The following HMGCLL1 variants were observed in gnomAD, a reference collection of about 807,000 sequenced individuals.
HMGCLL1 encodes 3-hydroxy-3-methylglutaryl-CoA lyase like 1.
HMGCLL1 carries 36 observed loss-of-function variants against 39.1 expected under a neutral mutation model. The observed-to-expected ratio is 0.92, with a 90% confidence interval of 0.71 to 1.22. The LOEUF is 1.22. Ranked by LOEUF, HMGCLL1 falls within the 50% of genes most tolerant of loss-of-function variation. The probability of loss-of-function intolerance (pLI) is 0.00; values close to 1 mark genes in which losing one functional copy is unlikely to be tolerated. For synonymous variants in HMGCLL1, 149 were observed against 144.0 expected (o/e 1.03, Z -0.25); for missense variants, 451 against 416.5 (o/e 1.08, Z -0.72).
chr6:55,545,547 A>G (rs9382505), intron 1 of HMGCLL1, among the ~76,000 whole-genome samples: 11,322 of 152,170 alleles, frequency 0.074, 510 homozygotes, highest in East Asian at 0.19. Context: ...ATTATTGAGT[A>G]CAGTCCATAT....
the HMGCLL1 span, among the ~76,000 whole-genome samples, chr6:55,625,903 C>G: frequency 1.3e-5 from 2 of 152,124 alleles, no homozygotes; most frequent in African/African-American, 4.8e-5. Context: ...GATAGGATGA[C>G]CCGTTCTGTG....
the HMGCLL1 span, among the ~76,000 whole-genome samples, chr6:55,636,051 T>C: frequency 1.3e-5 from 2 of 152,030 alleles, no homozygotes; most frequent in African/African-American, 2.4e-5. Context: ...ACTGAAAATA[T>C]CAGTCTCATG....
chr6:55,587,094 T>C, the HMGCLL1 span, among the ~76,000 whole-genome samples: 3 of 152,136 alleles, frequency 2.0e-5, no homozygotes, highest in Admixed American at 1.3e-4. Flanking sequence ...TTCTAACTGG[T>C]GTGAGATGGT....
At chr6:55,546,567 C>A in intron 1 of HMGCLL1, among the ~76,000 whole-genome samples, 1 of 152,040 alleles carries the variant, frequency 6.6e-6, no homozygotes, top group East Asian at 1.9e-4. Context: ...ACCAAAACTC[C>A]TGCCCATAAC....
rs552337857 is a variant in HMGCLL1, at chr6:55,543,215, T to TTATATATTA, written c.109-1076_109-1075insTAATATATA. 8.7e-4 allele frequency among the ~76,000 whole-genome samples: 14 copies of TTATATATTA among 16,118 alleles called. 2 individuals are homozygous for TTATATATTA. Among genetic ancestry groups the TTATATATTA allele is most frequent in the African/African-American group, 2.7e-3 (14 of 5,238 alleles). 10.6% of individuals were successfully genotyped at this position (16,118 alleles called of 152,430 possible). On this transcript the variant is annotated intron_variant, in intron 1 of 8. Transcript: ENST00000274901. The stretch of plus-strand genomic sequence containing the variant: ...TATATTATATATTATATATTATATA[T>TTATATATTA]TATATAATATATAATATAGATATAA...
At chr6:55,570,361 C>T (rs1283544392) in intron 1 of HMGCLL1, among the ~76,000 whole-genome samples, 1 of 152,188 alleles carries the variant, frequency 6.6e-6, no homozygotes, top group African/African-American at 2.4e-5. Context: ...AGGCACCTCT[C>T]CTGTAACCCT....
rs34439584 is a variant in HMGCLL1 at position 55,515,253 on chromosome 6, GAAAAAA to G, written c.394-1063_394-1058del. Among the ~76,000 whole-genome samples, 5 of 134,678 alleles carry G rather than the reference GAAAAAA, an allele frequency of 3.7e-5. 1 individual carries two copies. The Admixed American group carries it at 3.8e-4, about 10-fold the overall frequency. 88.4% of individuals were successfully genotyped at this position (134,678 alleles called of 152,430 possible). ...GGCGACAGAGCAAAGCTCCATCTCA[GAAAAAA>G]AAAAAAAAATACATGGGGGGAGAAA... On this transcript the variant is annotated intron_variant, in intron 4 of 8. Coordinates refer to ENST00000274901, the MANE Select transcript of HMGCLL1 (RefSeq NM_001042406.2).
the HMGCLL1 span, among the ~76,000 whole-genome samples, chr6:55,630,703 C>T: frequency 2.0e-5 from 3 of 152,000 alleles, no homozygotes; most frequent in Admixed American, 2.0e-4. Flanking sequence ...ACTCTCCTGA[C>T]AGTGAGTAAG....
At chr6:55,676,597 G>A in the HMGCLL1 span, among the ~76,000 whole-genome samples, 3 of 152,250 alleles carry the variant, frequency 2.0e-5, no homozygotes, top group Admixed American at 2.0e-4. Context: ...AATAATGGCA[G>A]TGGAGGGACA....
intron 1 of HMGCLL1, among the ~76,000 whole-genome samples, chr6:55,576,553 A>G (rs779297620): frequency 7.9e-5 from 12 of 152,242 alleles, no homozygotes; most frequent in Non-Finnish European, 1.5e-4. Context: ...ACACTTTCCA[A>G]TTAGCTATAT....
At chr6:55,662,671 G>A in the HMGCLL1 span, among the ~76,000 whole-genome samples, 2 of 151,728 alleles carry the variant, frequency 1.3e-5, no homozygotes, top group Admixed American at 1.3e-4. Context: ...CCAGGTTTTG[G>A]TATCAGGATG....
At chr6:55,515,159 A>G (rs1767669902) in intron 4 of HMGCLL1, among the ~76,000 whole-genome samples, 2 of 151,976 alleles carry the variant, frequency 1.3e-5, no homozygotes, top group South Asian at 4.2e-4. Context: ...AGGCTGAGGC[A>G]GGAGAATCGC....
intron 7 of HMGCLL1, among the ~76,000 whole-genome samples, chr6:55,489,101 C>G (rs771171454): frequency 2.4e-4 from 36 of 151,934 alleles, no homozygotes; most frequent in Non-Finnish European, 4.4e-4. Context: ...GTCTGTGTTA[C>G]ATTATATTCA....
At chr6:55,436,417 C>G (rs1309049433) in intron 8 of HMGCLL1, among the ~76,000 whole-genome samples, 1 of 151,926 alleles carries the variant, frequency 6.6e-6, no homozygotes, top group African/African-American at 2.4e-5. Context: ...CCATGGATGA[C>G]AGATATGCAG....
At chr6:55,593,670 A>G in the HMGCLL1 span, among the ~76,000 whole-genome samples, 1 of 152,206 alleles carries the variant, frequency 6.6e-6, no homozygotes, top group South Asian at 2.1e-4. Flanking sequence ...AATTCATATA[A>G]CTTGAAATAC....
chr6:55,654,223 G>A, the HMGCLL1 span, among the ~76,000 whole-genome samples: 2 of 151,768 alleles, frequency 1.3e-5, no homozygotes, highest in African/African-American at 4.8e-5. Context: ...TCCTATGAAA[G>A]GGAAAGAGGA....
intron 1 of HMGCLL1, among the ~76,000 whole-genome samples, chr6:55,570,410 G>T (rs1285264810): frequency 1.3e-5 from 2 of 152,158 alleles, no homozygotes; most frequent in African/African-American, 2.4e-5. Flanking sequence ...TCTTTGCTTA[G>T]AGACTAGAAT....
chr6:55,616,823 T>G, the HMGCLL1 span, among the ~76,000 whole-genome samples: 1 of 151,972 alleles, frequency 6.6e-6, no homozygotes, highest in East Asian at 1.9e-4. Flanking sequence ...GAAACTTAGT[T>G]ATGTCTTTAG....
chr6:55,455,457 CATAAGT>C (rs1349210856), intron 7 of HMGCLL1, among the ~76,000 whole-genome samples: 4 of 151,946 alleles, frequency 2.6e-5, no homozygotes, highest in Non-Finnish European at 5.9e-5. Flanking sequence ...GGAAAATAAA[CATAAGT>C]ATAATTACAG....
Sources: allele counts gnomAD v4.1 joint callset (sites outside exome capture counted in the v4.1 genomes callset), GRCh38; gene constraint gnomAD v4.1.1; transcripts MANE v1.5; gene names NCBI Gene and HGNC (gene_info 2026-07-23, HGNC 2026-07-21).